CDH12: variants seen among roughly 807,000 people sequenced by gnomAD.
CDH12 encodes cadherin-12.
CDH12 carries 41 observed loss-of-function variants against 74.1 expected under a neutral mutation model. The ratio of observed to expected loss-of-function variants is 0.55; its 90% CI spans 0.43 to 0.72. The LOEUF (loss-of-function observed/expected upper bound fraction) is 0.72. Ranked by LOEUF, CDH12 falls within the 30% of genes least tolerant of loss-of-function variation. The probability of loss-of-function intolerance (pLI) is 0.00; values close to 1 mark genes in which losing one functional copy is unlikely to be tolerated. For missense variants in CDH12, 945 were observed against 977.2 expected, an observed-to-expected ratio of 0.97 and a Z score of 0.44; for synonymous variants, 399 against 355.0, an observed-to-expected ratio of 1.12 and a Z score of -1.39.
At chr5:22,762,431 GTATTT>G (rs1457984976) in intron 1 of CDH12, among the ~76,000 whole-genome samples, 1 of 151,988 alleles carries the variant, frequency 6.6e-6, no homozygotes, top group Non-Finnish European at 1.5e-5. Context: ...GAGTTTTATT[GTATTT>G]TATTTGCTAG....
chr5:22,160,641 G>C (rs1027312750), intron 4 of CDH12, among the ~76,000 whole-genome samples: 2 of 152,138 alleles, frequency 1.3e-5, no homozygotes, highest in Non-Finnish European at 2.9e-5. Flanking sequence ...TAAGATCAGG[G>C]TGCTGGCTGA....
At chr5:22,270,286 A>G (rs1295158795) in intron 3 of CDH12, among the ~76,000 whole-genome samples, 1 of 152,136 alleles carries the variant, frequency 6.6e-6, no homozygotes, top group Non-Finnish European at 1.5e-5. Context: ...ATGCCCTGAT[A>G]CCATAGGTTT....
intron 1 of CDH12, among the ~76,000 whole-genome samples, chr5:22,581,140 C>T (rs1740078107): frequency 6.6e-6 from 1 of 152,196 alleles, no homozygotes; most frequent in Admixed American, 6.5e-5. Context: ...ATCCCCAAGA[C>T]AATGGGGAAA....
At chr5:21,872,378 TG>T (rs1264091857) in intron 6 of CDH12, among the ~76,000 whole-genome samples, 1 of 152,256 alleles carries the variant, frequency 6.6e-6, no homozygotes, top group Admixed American at 6.5e-5. Flanking sequence ...ATCTCTCAGC[TG>T]TGTGCCAAGA....
At chr5:22,289,178 G>A (rs1201468147) in intron 3 of CDH12, among the ~76,000 whole-genome samples, 1 of 152,164 alleles carries the variant, frequency 6.6e-6, no homozygotes, top group African/African-American at 2.4e-5. Context: ...TGCTTATCAA[G>A]TCCCAGAGAG....
At chr5:21,934,707 TG>T (rs1347043731) in intron 6 of CDH12, among the ~76,000 whole-genome samples, 1 of 152,206 alleles carries the variant, frequency 6.6e-6, no homozygotes, top group Admixed American at 6.5e-5. Context: ...TGATGGTTTC[TG>T]GTGGGGAGAA....
At chr5:22,411,824 A>G (rs541895934) in intron 2 of CDH12, among the ~76,000 whole-genome samples, 3 of 152,132 alleles carry the variant, frequency 2.0e-5, no homozygotes, top group East Asian at 3.9e-4. Context: ...GGTTTGTGTG[A>G]ATTTTTATGA....
chr5:22,011,429 T>G (rs1737285920), intron 5 of CDH12, among the ~76,000 whole-genome samples: 1 of 152,210 alleles, frequency 6.6e-6, no homozygotes, highest in South Asian at 2.1e-4. Flanking sequence ...GAGAGATATT[T>G]TCTTATTATG....
chr5:22,674,318 TA>T (rs1250470537), intron 1 of CDH12, among the ~76,000 whole-genome samples: 2 of 152,120 alleles, frequency 1.3e-5, no homozygotes, highest in Admixed American at 6.5e-5. Context: ...CTGATGATTT[TA>T]AAAAGAGGAG....
At chr5:21,867,882 C>T (rs948841721) in intron 6 of CDH12, among the ~76,000 whole-genome samples, 7 of 152,066 alleles carry the variant, frequency 4.6e-5, no homozygotes, top group African/African-American at 1.7e-4. Flanking sequence ...GGCTGTGTCC[C>T]CACCCAAATC....
chr5:22,020,067 C>G (rs897753934), intron 5 of CDH12, among the ~76,000 whole-genome samples: 2 of 152,022 alleles, frequency 1.3e-5, no homozygotes, highest in African/African-American at 4.8e-5. Context: ...TCTGGAAGTG[C>G]TAAGTAGTTT....
intron 3 of CDH12, among the ~76,000 whole-genome samples, chr5:22,282,084 A>T (rs565101400): frequency 6.6e-6 from 1 of 152,312 alleles, no homozygotes; most frequent in South Asian, 2.1e-4. Context: ...GGCCTCACAA[A>T]TAACACCATG....
intron 2 of CDH12, among the ~76,000 whole-genome samples, chr5:22,465,587 A>G (rs1745695050): frequency 6.6e-6 from 1 of 152,228 alleles, no homozygotes; most frequent in South Asian, 2.1e-4. Flanking sequence ...TCAAGGCTGC[A>G]GTGAGCCACG....
chr5:22,221,203 C>T (rs972536283), intron 3 of CDH12, among the ~76,000 whole-genome samples: 1 of 151,936 alleles, frequency 6.6e-6, no homozygotes, highest in Non-Finnish European at 1.5e-5. Flanking sequence ...AGCTTTTAAT[C>T]TGCTTATTCA....
intron 3 of CDH12, among the ~76,000 whole-genome samples, chr5:22,372,701 G>A (rs1301665596): frequency 1.3e-5 from 2 of 152,128 alleles, no homozygotes; most frequent in Non-Finnish European, 1.5e-5. Context: ...CTGTAAGCCC[G>A]TAGCTGCCTT....
chr5:22,174,718 A>G (rs1317128362), intron 4 of CDH12, among the ~76,000 whole-genome samples: 1 of 152,018 alleles, frequency 6.6e-6, no homozygotes, highest in African/African-American at 2.4e-5. Context: ...CACTAAAAAG[A>G]GGGTATATTA....
rs1268718610 is a variant in CDH12, at chr5:22,399,192, A to G, written c.-333+6065T>C. The stretch of plus-strand genomic sequence containing the variant: ...TATCTTACTATATAATCTACCCAGT[A>G]TCTATCTATCTATCTATCTATCTAT... On this transcript the variant is annotated intron_variant, in intron 3 of 14. Coordinates refer to ENST00000382254, the MANE Select transcript of CDH12 (RefSeq NM_004061.5). Among the ~76,000 whole-genome samples, 5 of 63,594 alleles carry G rather than the reference A, an allele frequency of 7.9e-5. No individual in the cohort carries two copies. The East Asian group carries it at 2.1e-3, about 27-fold the overall frequency. 41.7% of individuals were successfully genotyped at this position (63,594 alleles called of 152,430 possible). A position where few individuals can be genotyped will look rare whatever the true frequency, so the allele number is the denominator to read the frequency against.
intron 5 of CDH12, among the ~76,000 whole-genome samples, chr5:22,063,788 G>A (rs1002540640): frequency 5.3e-5 from 8 of 152,006 alleles, no homozygotes; most frequent in African/African-American, 1.7e-4. Context: ...CAATTAGTTG[G>A]AAACCCTAAT....
At chr5:22,135,520 G>C (rs1333913309) in intron 4 of CDH12, among the ~76,000 whole-genome samples, 2 of 151,824 alleles carry the variant, frequency 1.3e-5, no homozygotes, top group Non-Finnish European at 2.9e-5. Context: ...ATATTAATGA[G>C]GACTGTTGAA....
Sources: allele counts gnomAD v4.1 joint callset (sites outside exome capture counted in the v4.1 genomes callset), GRCh38; gene constraint gnomAD v4.1.1; transcripts MANE v1.5; gene names NCBI Gene and HGNC (gene_info 2026-07-23, HGNC 2026-07-21).